MLLT6: variants seen among roughly 807,000 people sequenced by gnomAD.
MLLT6 encodes the protein MLLT6, PHD finger containing, also known as protein AF-17.
In MLLT6, 22 loss-of-function variants were observed where a neutral mutation model predicts 103.0. The ratio of observed to expected loss-of-function variants is 0.21; its 90% CI spans 0.15 to 0.31. MLLT6 has a LOEUF of 0.31. Ranked by LOEUF, MLLT6 falls within the 10% of genes least tolerant of loss-of-function variation. MLLT6 has a pLI of 1.00. For synonymous variants in MLLT6, 606 were observed against 623.5 expected, an observed-to-expected ratio of 0.97 and a Z score of 0.42; for missense variants, 1,199 against 1,441.7, an observed-to-expected ratio of 0.83 and a Z score of 2.73.
chr17:38,708,712 A>G (rs1905033432), intron 4 of MLLT6, among the ~76,000 whole-genome samples: 1 of 152,174 alleles, frequency 6.6e-6, no homozygotes, highest in African/African-American at 2.4e-5. Flanking sequence ...CCTGGTCAAC[A>G]TGATGAGACC....
At chr17:38,721,432 G>A (rs1319216696) in intron 16 of MLLT6, among the ~76,000 whole-genome samples, 1 of 152,226 alleles carries the variant, frequency 6.6e-6, no homozygotes, top group East Asian at 1.9e-4. Context: ...AACTAAGACA[G>A]GTTGAACCCA....
Position 38,720,106 on chromosome 17 carries a change from G to A in MLLT6, c.2155+211G>A, listed in dbSNP as rs977832815. The A allele has an allele frequency of 7.7e-5, 59 of 769,842 alleles. 1 individual carries two copies. Among genetic ancestry groups the A allele is most frequent in the Non-Finnish European group, 8.1e-5 (40 of 492,672 alleles). The allele number at this position is 769,842 out of a possible 1,614,324, so 47.7% of individuals were successfully genotyped here. A position where few individuals can be genotyped will look rare whatever the true frequency, so the allele number is the denominator to read the frequency against. On this transcript the variant is annotated intron_variant, in intron 14 of 19. Transcript: ENST00000621332. ...CCCACCTTTGGCCTTCGTGGCCTCC[G>A]GGCCCCGACCTTACCAAACCGCAAC...
intron 16 of MLLT6, chr17:38,721,141 G>A (rs181680349): frequency 1.8e-4 from 44 of 243,996 alleles, no homozygotes; most frequent in African/African-American, 9.7e-4. Context: ...TTATTATAGC[G>A]CCTCACACAA....
In MLLT6 at chr17:38,722,073, A is replaced by G. The variant is rs1418766775; in HGVS notation, c.2638A>G (p.Met880Val). ...GGCAGCGGGGCTGGGGGCCATGCCC[A>G]TGGCTGAGGGGCTGTTGGGGGGGCT... Reference protein sequence around the residue: ...PGAAGLGAMPMAEGLLGGLAG... With the variant: ...PGAAGLGAMPVAEGLLGGLAG... The change falls in exon 17 of 20, where the codon ATG becomes GTG. Residue 880 changes from methionine to valine, a missense_variant. Around this residue, in one of 7 missense-constraint regions of MLLT6, gnomAD observed 1,034 missense variants for 1,091.5 expected, o/e 0.95. Transcript: ENST00000621332. 3 of 1,379,428 alleles carry G rather than the reference A, an allele frequency of 2.2e-6. No homozygotes were observed. The highest frequency in any genetic ancestry group is 3.1e-5 in the African/African-American group (2 of 65,382). The allele number at this position is 1,379,428 out of a possible 1,614,324, so 85.4% of individuals were successfully genotyped here. A position where few individuals can be genotyped will look rare whatever the true frequency, so the allele number is the denominator to read the frequency against.
Position 38,707,038 on chromosome 17 carries a change from C to T in MLLT6, c.189+9C>T, listed in dbSNP as rs772545077. The T allele has an allele frequency of 6.2e-7, 1 of 1,607,884 alleles. No individual in the cohort carries two copies. Among genetic ancestry groups the T allele is most frequent in the Non-Finnish European group, 8.5e-7 (1 of 1,175,134 alleles). On this transcript the variant is annotated intron_variant, in intron 2 of 19. Coordinates refer to ENST00000621332, the MANE Select transcript of MLLT6 (RefSeq NM_005937.4). ...AGCGAGCAGCCAGGGTGGTGAGTTCCAGACTGCCCCTCTCCACTCCCCTGC... is the reference window on the plus strand; with the variant it reads ...AGCGAGCAGCCAGGGTGGTGAGTTCTAGACTGCCCCTCTCCACTCCCCTGC...
intron 8 of MLLT6, 62 bp downstream of exon 8, chr17:38,712,851 CG>C (rs1393483529): frequency 1.6e-6 from 2 of 1,278,072 alleles, no homozygotes; most frequent in Non-Finnish European, 2.3e-6. Context: ...GGGAGGGAGG[CG>C]GGGGCGAGAG....
chr17:38,719,795 T>A lies in MLLT6; in HGVS notation c.2055T>A (p.Ser685=). Residue 685 remains serine (S), a synonymous_variant, in exon 14 of 20, where the codon TCT becomes TCA. Coordinates refer to ENST00000621332, the MANE Select transcript of MLLT6 (RefSeq NM_005937.4). ...CCGCACTCTTCGACCAGACAGCCTC[T>A]GCACCCTGTGGGGGCGGCCAGTTAG... ...SLPALFDQTA[S]APCGGGQLDP... 1 of 1,613,462 alleles carries A rather than the reference T, an allele frequency of 6.2e-7. No individual in the cohort carries two copies.
At chr17:38,723,957 G>C (rs1272596178) in intron 18 of MLLT6, among the ~76,000 whole-genome samples, 4 of 151,862 alleles carry the variant, frequency 2.6e-5, no homozygotes, top group Non-Finnish European at 5.9e-5. Context: ...TGGCCAGGCT[G>C]GTCTCAAACT....
rs778609003 is a variant in MLLT6 at position 38,720,491 on chromosome 17, G to C, written c.2275G>C (p.Val759Leu). 2.5e-6 allele frequency: 4 copies of C among 1,612,832 alleles called. No individual in the cohort carries two copies. Among genetic ancestry groups the C allele is most frequent in the Non-Finnish European group, 2.5e-6 (3 of 1,179,898 alleles). The change falls in exon 15 of 20, where the codon GTG becomes CTG. Residue 759 changes from valine to leucine, a missense_variant. Transcript: ENST00000621332. The part of the protein sequence containing the change: ...RLQILNVQLS[V>L]PFPALPAALP... ...GCAGATTCTCAACGTGCAGCTCTCT[G>C]TGCCCTTCCCTGCCCTGCCTGCTGC...
At chr17:38,715,472 C>G (rs1160833577) in intron 8 of MLLT6, 140 bp from the exon 9 acceptor site, 4 of 1,400,210 alleles carry the variant, frequency 2.9e-6, no homozygotes, top group Non-Finnish European at 3.7e-6. Flanking sequence ...TGGCCACTCC[C>G]TGCCCGGAAG....
chr17:38,707,202 C>T (rs975535361), intron 2 of MLLT6, among the ~76,000 whole-genome samples, 173 bp downstream of exon 2: 2 of 152,200 alleles, frequency 1.3e-5, no homozygotes, highest in African/African-American at 2.4e-5. Context: ...ACGCTCATCC[C>T]TCCCTCTGCC....
At chr17:38,717,051 T>G in intron 10 of MLLT6, 70 bp downstream of exon 10, 1 of 1,582,858 alleles carries the variant, frequency 6.3e-7, no homozygotes, top group Non-Finnish European at 8.5e-7. Flanking sequence ...AGCTTACACA[T>G]GCACTTAGAA....
chr17:38,713,269 C>T (rs984376258), intron 8 of MLLT6: 5 of 425,130 alleles, frequency 1.2e-5, no homozygotes, highest in Non-Finnish European at 2.1e-5. Context: ...GACAGTATCC[C>T]GAAACTCCCA....
At chr17:38,723,353 G>A (rs949451506) in intron 18 of MLLT6, among the ~76,000 whole-genome samples, 14 of 152,078 alleles carry the variant, frequency 9.2e-5, no homozygotes, top group Non-Finnish European at 1.6e-4. Context: ...TTAGCTGGGC[G>A]TGGTGGTGCA....
chr17:38,724,534 G>A lies in MLLT6; in HGVS notation c.2884-86G>A, dbSNP rs1441497226. The stretch of plus-strand genomic sequence containing the variant: ...TGCCTCCTGATTCCAGTGTGATGGG[G>A]TGGGGCCTGGCCAGGCAGGGCAGGC... On this transcript the variant is annotated intron_variant, in intron 18 of 19. Transcript: ENST00000621332. The surrounding 1 kb of genome is among the most constrained non-coding windows in gnomAD (Gnocchi z 5.4). The A allele has an allele frequency of 1.0e-6, 1 of 1,002,876 alleles. No individual in the cohort carries two copies. The highest frequency in any genetic ancestry group is 2.6e-5 in the East Asian group (1 of 39,032). 62.1% of individuals were successfully genotyped at this position (1,002,876 alleles called of 1,614,324 possible).
intron 6 of MLLT6, among the ~76,000 whole-genome samples, chr17:38,710,541 G>A (rs1317746388): frequency 6.6e-6 from 1 of 152,174 alleles, no homozygotes; most frequent in Non-Finnish European, 1.5e-5. Flanking sequence ...GGATGGAGGG[G>A]TGAGGCTGGA....
chr17:38,723,634 T>C (rs971796524), intron 18 of MLLT6, among the ~76,000 whole-genome samples: 1 of 152,186 alleles, frequency 6.6e-6, no homozygotes, highest in Non-Finnish European at 1.5e-5. Context: ...AACTTTGATA[T>C]ATTATTTTGG....
chr17:38,719,342 G>A lies in MLLT6; in HGVS notation c.1943-175G>A, dbSNP rs1597998246. 8 of 619,570 alleles carry A rather than the reference G, an allele frequency of 1.3e-5. No homozygotes were observed. The Admixed American group carries it at 2.3e-4, about 18-fold the overall frequency. 38.4% of individuals were successfully genotyped at this position (619,570 alleles called of 1,614,324 possible). The stretch of plus-strand genomic sequence containing the variant: ...AGATGCCCGGGGTTTGCCTCCCAGG[G>A]GCAGGGTTTCCAAGCCAGGGCCCTC... On this transcript the variant is annotated intron_variant, in intron 12 of 19. Transcript: ENST00000621332.
At chr17:38,720,328 T>G in intron 14 of MLLT6, 44 bp from the exon 15 acceptor site, 1 of 89,484 alleles carries the variant, frequency 1.1e-5, no homozygotes, top group Non-Finnish European at 1.9e-5. Context: ...TGGCCCCGCC[T>G]CCGCCCCCTC....
Sources: allele counts gnomAD v4.1 joint callset (sites outside exome capture counted in the v4.1 genomes callset), GRCh38; gene constraint gnomAD v4.1.1; regional missense constraint gnomAD v4.1.1; non-coding constraint Gnocchi (gnomAD v3.1); transcripts MANE v1.5; gene names NCBI Gene and HGNC (gene_info 2026-07-23, HGNC 2026-07-21).